The following DYM variants were observed in gnomAD, a reference collection of about 807,000 sequenced individuals.
DYM encodes the protein dymeclin, also known as dyggve-Melchior-Clausen syndrome protein.
Under a neutral mutation model 93.1 loss-of-function variants are expected in DYM, and 78 were observed. That is an observed-to-expected ratio of 0.84 (90% CI 0.70 to 1.01). DYM has a LOEUF of 1.01. Ranked by LOEUF, DYM falls within the 50% of genes least tolerant of loss-of-function variation. The pLI is 0.00. For missense variants in DYM, 789 were observed against 845.0 expected (o/e 0.93, Z 0.82); for synonymous variants, 321 against 319.7 (o/e 1.00, Z -0.04).
chr18:49,281,693 T>C (rs2094982516), intron 10 of DYM, among the ~76,000 whole-genome samples: 1 of 152,148 alleles, frequency 6.6e-6, no homozygotes. Context: ...CTCAGCGAAC[T>C]ATCCCAAGGA....
intron 14 of DYM, 84 bp downstream of exon 14, chr18:49,209,467 T>C: frequency 1.1e-6 from 1 of 878,460 alleles, no homozygotes; most frequent in Non-Finnish European, 1.4e-6. Flanking sequence ...AATAATTTAA[T>C]TGACACATGT....
At chr18:49,347,566 C>A (rs2064707171) in intron 6 of DYM, among the ~76,000 whole-genome samples, 1 of 152,184 alleles carries the variant, frequency 6.6e-6, no homozygotes, top group South Asian at 2.1e-4. Flanking sequence ...TTAACCTCAA[C>A]AAATAACTTC....
intron 7 of DYM, among the ~76,000 whole-genome samples, chr18:49,333,356 A>T (rs192114782): frequency 6.6e-6 from 1 of 152,246 alleles, no homozygotes; most frequent in South Asian, 2.1e-4. Context: ...GGGGGCATAG[A>T]TCACAGGTGT....
chr18:49,072,283 T>C (rs2076954476), intron 17 of DYM, among the ~76,000 whole-genome samples: 1 of 152,138 alleles, frequency 6.6e-6, no homozygotes, highest in African/African-American at 2.4e-5. Flanking sequence ...ATGCTGCCAA[T>C]AAGGTGATTC....
intron 15 of DYM, among the ~76,000 whole-genome samples, chr18:49,146,459 A>C (rs141892860): frequency 1.1e-3 from 167 of 152,326 alleles, no homozygotes; most frequent in African/African-American, 3.4e-3. Flanking sequence ...TTGTCTCAGC[A>C]CAAAATCTCC....
At chr18:49,422,150 G>C (rs527907948) in intron 2 of DYM, among the ~76,000 whole-genome samples, 2 of 152,264 alleles carry the variant, frequency 1.3e-5, no homozygotes, top group African/African-American at 2.4e-5. Context: ...AGGAAATACA[G>C]AGAACACCAC....
intron 11 of DYM, among the ~76,000 whole-genome samples, chr18:49,267,558 G>C (rs2094590942): frequency 6.6e-6 from 1 of 152,076 alleles, no homozygotes; most frequent in Non-Finnish European, 1.5e-5. Flanking sequence ...CAAGATGAGC[G>C]ATATAATTCT....
At chr18:49,253,912 G>GC in intron 13 of DYM, among the ~76,000 whole-genome samples, 1 of 151,864 alleles carries the variant, frequency 6.6e-6, no homozygotes, top group Non-Finnish European at 1.5e-5. Context: ...CAACCCTTAA[G>GC]CCCCTCCACA....
intron 14 of DYM, among the ~76,000 whole-genome samples, chr18:49,184,266 A>G (rs188823313): frequency 1.3e-5 from 2 of 151,982 alleles, no homozygotes; most frequent in African/African-American, 4.8e-5. Flanking sequence ...GGGGGAAGGG[A>G]AGTGGCCTTT....
chr18:49,451,674 G>A (rs2082526996), intron 1 of DYM, among the ~76,000 whole-genome samples: 1 of 152,186 alleles, frequency 6.6e-6, no homozygotes, highest in Non-Finnish European at 1.5e-5. Context: ...TACTCTTGCT[G>A]AACTTTATGC....
intron 6 of DYM, among the ~76,000 whole-genome samples, chr18:49,354,732 C>CT (rs930350164): frequency 2.6e-5 from 4 of 152,032 alleles, no homozygotes; most frequent in Admixed American, 1.3e-4. Context: ...TGAGATACCA[C>CT]TACACATCTA....
chr18:49,262,526 T>G (rs2094505612), intron 11 of DYM, among the ~76,000 whole-genome samples: 1 of 152,206 alleles, frequency 6.6e-6, no homozygotes, highest in South Asian at 2.1e-4. Flanking sequence ...CGCATCTTAC[T>G]TTTTTCACTC....
chr18:49,421,856 A>G (rs1440541595), intron 2 of DYM, among the ~76,000 whole-genome samples: 2 of 152,256 alleles, frequency 1.3e-5, no homozygotes, highest in African/African-American at 4.8e-5. Context: ...TACGGGACAC[A>G]TGCACAAGCT....
At chr18:49,215,816 T>C (rs1341918995) in intron 13 of DYM, among the ~76,000 whole-genome samples, 4 of 151,700 alleles carry the variant, frequency 2.6e-5, no homozygotes, top group Admixed American at 2.6e-4. Flanking sequence ...GCTCCCAGAG[T>C]AAGCAATGCA....
chr18:49,435,068 C>T (rs2080703604), intron 1 of DYM, among the ~76,000 whole-genome samples: 1 of 150,168 alleles, frequency 6.7e-6, no homozygotes, highest in African/African-American at 2.4e-5. Context: ...ATTAGCACAG[C>T]ATGGTGGTGT....
chr18:49,281,504 G>A (rs900826370), intron 10 of DYM, among the ~76,000 whole-genome samples: 3 of 152,188 alleles, frequency 2.0e-5, no homozygotes, highest in African/African-American at 2.4e-5. Flanking sequence ...ACATGCACAC[G>A]CATGTTTATG....
At chr18:49,071,301 T>C (rs2076868233) in intron 17 of DYM, among the ~76,000 whole-genome samples, 1 of 152,234 alleles carries the variant, frequency 6.6e-6, no homozygotes, top group African/African-American at 2.4e-5. Context: ...TATGCCTTCA[T>C]TTCCAAAAAT....
chr18:49,190,495 T>C (rs2090861961), intron 14 of DYM, among the ~76,000 whole-genome samples: 1 of 152,202 alleles, frequency 6.6e-6, no homozygotes, highest in South Asian at 2.1e-4. Context: ...GCAGAGACAA[T>C]ACATTGAATT....
At chr18:49,190,434 A>G (rs77353410) in intron 14 of DYM, among the ~76,000 whole-genome samples, 2,345 of 152,280 alleles carry the variant, frequency 0.015, 55 homozygotes, top group African/African-American at 0.053. Flanking sequence ...CCAGACATAC[A>G]TTGCTCTCTC....
Sources: gnomAD v4.1 joint callset for allele counts (sites outside exome capture counted in the v4.1 genomes callset) on GRCh38, gnomAD v4.1.1 for gene constraint, MANE v1.5 for transcripts, NCBI Gene and HGNC (gene_info 2026-07-23, HGNC 2026-07-21) for gene names.